Variants in DYNC2H1 observed in about 807,000 individuals in gnomAD.
DYNC2H1 encodes the protein dynein cytoplasmic 2 heavy chain 1, also known as cytoplasmic dynein 2 heavy chain 1.
A neutral mutation model predicts 570.0 loss-of-function variants in DYNC2H1; 410 were observed. That is an observed-to-expected ratio of 0.72 (90% CI 0.66 to 0.78). The LOEUF is 0.78. DYNC2H1 is among the 30% of genes least tolerant of loss of function. DYNC2H1 has a pLI of 0.00. For missense variants in DYNC2H1, 4,865 were observed against 5,046.4 expected (o/e 0.96, Z 1.09); for synonymous variants, 1,688 against 1,677.6 (o/e 1.01, Z -0.15).
chr11:103,283,080 T>C lies in DYNC2H1; in HGVS notation c.10885T>C (p.Leu3629=). The part of the protein sequence containing the change: ...DQERSWAVAT[L]KIALPSLYQT... The stretch of plus-strand genomic sequence containing the variant: ...GGAACGAAGCTGGGCCGTGGCAACA[T>C]TAAAGGTATTCCTTTTCTACTATGA... Residue 3629 remains leucine (L), a synonymous_variant, in exon 73 of 89, where the codon TTA becomes CTA. Coordinates refer to ENST00000375735, the MANE Select transcript of DYNC2H1 (RefSeq NM_001377.3). The C allele has an allele frequency of 6.2e-7, 1 of 1,604,512 alleles. No homozygotes were observed. The highest frequency in any genetic ancestry group is 8.5e-7 in the Non-Finnish European group (1 of 1,174,130).
At chr11:103,450,741 G>A (rs1256508134) in intron 85 of DYNC2H1, among the ~76,000 whole-genome samples, 2 of 152,070 alleles carry the variant, frequency 1.3e-5, no homozygotes, top group Non-Finnish European at 2.9e-5. Flanking sequence ...GGAACACAGT[G>A]CATTAAAACA....
chr11:103,190,091 T>G (rs1197538664), intron 45 of DYNC2H1, among the ~76,000 whole-genome samples: 1 of 152,208 alleles, frequency 6.6e-6, no homozygotes, highest in Admixed American at 6.5e-5. Context: ...TATTTAGAAT[T>G]GAGTTTATCT....
At chr11:103,462,770 G>A (rs1004872694) in intron 87 of DYNC2H1, among the ~76,000 whole-genome samples, 5 of 152,118 alleles carry the variant, frequency 3.3e-5, no homozygotes, top group Non-Finnish European at 2.9e-5. Context: ...TAATGTTTCA[G>A]TAAATTGCAT....
chr11:103,283,102 A>G lies in DYNC2H1; in HGVS notation c.10890+17A>G, dbSNP rs374238706. 1.3e-6 allele frequency: 2 copies of G among 1,583,802 alleles called. No individual in the cohort carries two copies. Among genetic ancestry groups the G allele is most frequent in the Non-Finnish European group, 1.7e-6 (2 of 1,157,326 alleles). On this transcript the variant is annotated intron_variant, in intron 73 of 88. Transcript: ENST00000375735. Reference sequence around the variant, plus strand: ...ACATTAAAGGTATTCCTTTTCTACTATGAGACATGTTTTAATTTCTTCTGT... The same window carrying G: ...ACATTAAAGGTATTCCTTTTCTACTGTGAGACATGTTTTAATTTCTTCTGT...
intron 88 of DYNC2H1, among the ~76,000 whole-genome samples, chr11:103,469,737 G>A (rs2135852021): frequency 6.6e-6 from 1 of 152,262 alleles, no homozygotes; most frequent in African/African-American, 2.4e-5. Context: ...AAAGGAGAGA[G>A]AAGAGACTGA....
chr11:103,292,429 T>C (rs1174872531), intron 75 of DYNC2H1, among the ~76,000 whole-genome samples: 2 of 152,246 alleles, frequency 1.3e-5, no homozygotes, highest in Non-Finnish European at 2.9e-5. Context: ...GGGGATTTTT[T>C]TGGTCTCAAT....
intron 87 of DYNC2H1, among the ~76,000 whole-genome samples, chr11:103,457,767 A>T (rs1944848012): frequency 6.6e-6 from 1 of 152,174 alleles, no homozygotes; most frequent in Non-Finnish European, 1.5e-5. Context: ...GAGCTATTGC[A>T]CTTGGCCTGA....
chr11:103,188,755 T>C (rs1309185902), intron 44 of DYNC2H1, 107 bp downstream of exon 44: 5 of 947,740 alleles, frequency 5.3e-6, no homozygotes, highest in Non-Finnish European at 7.1e-6. Context: ...AATATAAAAA[T>C]GGTCAAACTT....
Position 103,472,348 on chromosome 11 carries a change from G to T in DYNC2H1, c.12765+3643G>T, listed in dbSNP as rs1945414970. On this transcript the variant is annotated intron_variant, in intron 88 of 88. Coordinates refer to ENST00000375735, the MANE Select transcript of DYNC2H1 (RefSeq NM_001377.3). The surrounding 1 kb of genome is among the most constrained non-coding windows in gnomAD (Gnocchi z 4.1). ...GAGCCTGGCTTGGGCAACATAGCAAGACCCCATCTTTATTAAATAAAAAAA... is the reference window on the plus strand; with the variant it reads ...GAGCCTGGCTTGGGCAACATAGCAATACCCCATCTTTATTAAATAAAAAAA... Among the ~76,000 whole-genome samples, 1 of 149,268 alleles carries T rather than the reference G, an allele frequency of 6.7e-6. No homozygotes were observed. Among genetic ancestry groups the T allele is most frequent in the African/African-American group, 2.5e-5 (1 of 40,508 alleles).
chr11:103,213,581 G>C (rs920441605), intron 54 of DYNC2H1, among the ~76,000 whole-genome samples: 4 of 151,364 alleles, frequency 2.6e-5, no homozygotes, highest in African/African-American at 7.3e-5. Flanking sequence ...GGTGATTAGT[G>C]ATGTTGAACA....
rs752576170 is a variant in DYNC2H1 at position 103,125,314 on chromosome 11, T to G, written c.1857+19T>G. On this transcript the variant is annotated intron_variant, in intron 12 of 88. Transcript: ENST00000375735. ...TAAACAAGTATGAAATTACATTTTT[T>G]GAATACCTGCCTATTTGGAGTTCAT... is the stretch of plus-strand genomic sequence containing the variant. 6.4e-7 allele frequency: 1 copy of G among 1,561,760 alleles called. No individual in the cohort carries two copies. The highest frequency in any genetic ancestry group is 8.7e-7 in the Non-Finnish European group (1 of 1,150,456).
intron 53 of DYNC2H1, 101 bp from the exon 54 acceptor site, chr11:103,211,688 T>A (rs1358871707): frequency 2.0e-6 from 1 of 495,900 alleles, no homozygotes; most frequent in Non-Finnish European, 3.4e-6. Flanking sequence ...CTATATAGCA[T>A]GGAAGTATCT....
At chr11:103,262,336 A>C (rs994325152) in intron 70 of DYNC2H1, among the ~76,000 whole-genome samples, 7 of 152,212 alleles carry the variant, frequency 4.6e-5, no homozygotes, top group Non-Finnish European at 8.8e-5. Flanking sequence ...ATTCAAATTC[A>C]GGAAGTACAG....
chr11:103,173,718 C>T (rs1251558225), intron 35 of DYNC2H1, among the ~76,000 whole-genome samples: 1 of 152,052 alleles, frequency 6.6e-6, no homozygotes, highest in East Asian at 1.9e-4. Context: ...TTCCATATCA[C>T]TTAAGAGATA....
intron 85 of DYNC2H1, among the ~76,000 whole-genome samples, chr11:103,440,840 T>A (rs1944243341): frequency 6.6e-6 from 1 of 152,154 alleles, no homozygotes; most frequent in Non-Finnish European, 1.5e-5. Context: ...TTTCTCTGCA[T>A]TCAAAATACA....
rs559954809 is a variant in DYNC2H1, at chr11:103,145,632, A to G, written c.2703-2140A>G. Among the ~76,000 whole-genome samples the G allele has an allele frequency of 1.5e-4, 23 of 152,360 alleles. 1 individual carries two copies. In the South Asian group the frequency reaches 4.8e-3, roughly 32 times the overall value. On this transcript the variant is annotated intron_variant, in intron 18 of 88. Transcript: ENST00000375735. The surrounding 1 kb of genome is among the most constrained non-coding windows in gnomAD (Gnocchi z 4.2). ...TGTCATTTCTTGCTAACAAATTAACATGTATTCATCTAAGTGAATACATAC... is the reference window on the plus strand; with the variant it reads ...TGTCATTTCTTGCTAACAAATTAACGTGTATTCATCTAAGTGAATACATAC...
In DYNC2H1 at chr11:103,465,011, A is replaced by T. The variant is rs1945147216; in HGVS notation, c.12649-3578A>T. Among the ~76,000 whole-genome samples, 1 of 151,010 alleles carries T rather than the reference A, an allele frequency of 6.6e-6. No individual in the cohort carries two copies. Among genetic ancestry groups the T allele is most frequent in the African/African-American group, 2.4e-5 (1 of 41,410 alleles). On this transcript the variant is annotated intron_variant, in intron 87 of 88. Transcript: ENST00000375735. This position sits in a 1 kb window ranked among gnomAD's most constrained non-coding sequence, Gnocchi z 4.9. ...TTAGATATAATGTGTTAAAATTCAT[A>T]CTATGTTCAGTACTGAATACTTTAA...
At chr11:103,368,120 A>T (rs1158465300) in intron 83 of DYNC2H1, among the ~76,000 whole-genome samples, 1 of 152,196 alleles carries the variant, frequency 6.6e-6, no homozygotes, top group Admixed American at 6.5e-5. Flanking sequence ...TCCTTTGGAT[A>T]TATACCCAGT....
At chr11:103,368,343 C>CT (rs1012275709) in intron 83 of DYNC2H1, among the ~76,000 whole-genome samples, 3 of 152,046 alleles carry the variant, frequency 2.0e-5, no homozygotes, top group Admixed American at 2.0e-4. Flanking sequence ...TTGCATTTCT[C>CT]TGATTAATGA....
Sources: gnomAD v4.1 joint callset for allele counts (sites outside exome capture counted in the v4.1 genomes callset) on GRCh38, gnomAD v4.1.1 for gene constraint, Gnocchi (gnomAD v3.1) non-coding constraint, MANE v1.5 for transcripts, NCBI Gene and HGNC (gene_info 2026-07-23, HGNC 2026-07-21) for gene names.